KIF5B: variants seen among roughly 807,000 people sequenced by gnomAD.
KIF5B encodes kinesin family member 5B.
Under a neutral mutation model 132.8 loss-of-function variants are expected in KIF5B, and 49 were observed. The observed-to-expected ratio is 0.37, with a 90% confidence interval of 0.29 to 0.47. The LOEUF is 0.47. KIF5B is among the 20% of genes least tolerant of loss of function. The pLI is 1.00. For synonymous variants in KIF5B, 355 were observed against 369.4 expected, an observed-to-expected ratio of 0.96 and a Z score of 0.45; for missense variants, 780 against 1,144.0, an observed-to-expected ratio of 0.68 and a Z score of 4.59.
Position 32,034,748 on chromosome 10 carries a change from A to AT in KIF5B, c.1052dup (p.Asn351LysfsTer2). On this transcript the variant is annotated frameshift_variant, in exon 11 of 26. Transcript: ENST00000302418. LOFTEE classifies it high-confidence loss of function. Reference sequence around the variant, plus strand: ...ACTGAATAGTGTTCCGCAGGATCTTATTTTTTTCTTTTTCTTTTTCATACT... The same window carrying AT: ...ACTGAATAGTGTTCCGCAGGATCTTATTTTTTTTCTTTTTCTTTTTCATACT... 1 of 1,608,650 alleles carries AT rather than the reference A, an allele frequency of 6.2e-7. No individual in the cohort carries two copies. The highest frequency in any genetic ancestry group is 8.5e-7 in the Non-Finnish European group (1 of 1,177,756).
At chr10:32,055,280 G>C (rs956591701) in intron 1 of KIF5B, among the ~76,000 whole-genome samples, 3 of 152,110 alleles carry the variant, frequency 2.0e-5, no homozygotes, top group African/African-American at 7.2e-5. Context: ...AAAGTGGTGG[G>C]TGAAAGTTGG....
In KIF5B at chr10:32,015,511, G is replaced by A; in HGVS notation, c.*18C>T. 5 of 1,552,020 alleles carry A rather than the reference G, an allele frequency of 3.2e-6. No individual in the cohort carries two copies. Among genetic ancestry groups the A allele is most frequent in the Non-Finnish European group, 4.4e-6 (5 of 1,149,238 alleles). On this transcript the variant is annotated splice_region_variant and 3_prime_UTR_variant, in exon 25 of 26. Coordinates refer to ENST00000302418, the MANE Select transcript of KIF5B (RefSeq NM_004521.3). ...AAAGCCAGATATAAATAACAAACCT[G>A]TGGGTATGTATAAACGATTACACTT...
At chr10:32,021,833 G>GT (rs1190854669) in intron 17 of KIF5B, among the ~76,000 whole-genome samples, 2 of 152,028 alleles carry the variant, frequency 1.3e-5, no homozygotes, top group African/African-American at 2.4e-5. Context: ...TTAGCCAGGC[G>GT]TGGGGGCATG....
At chr10:32,038,285 G>A (rs1332547520) in intron 5 of KIF5B, 67 bp from the exon 6 acceptor site, 1 of 1,109,956 alleles carries the variant, frequency 9.0e-7, no homozygotes, top group East Asian at 2.4e-5. Context: ...TGAAATAACT[G>A]ATAGGCTTTC....
chr10:32,055,753 C>T lies in KIF5B; in HGVS notation c.126+95G>A, dbSNP rs1457463447. 4.0e-6 allele frequency: 6 copies of T among 1,494,052 alleles called. No individual in the cohort carries two copies. In the African/African-American group the frequency reaches 4.2e-5, roughly 10 times the overall value. 92.5% of individuals were successfully genotyped at this position (1,494,052 alleles called of 1,614,324 possible). ...CCGGGGAGGGCTGGGGACACCGCCG[C>T]TCCCTTTCAATTCTGCACCCTGCCA... On this transcript the variant is annotated intron_variant, in intron 1 of 25. Coordinates refer to ENST00000302418, the MANE Select transcript of KIF5B (RefSeq NM_004521.3).
chr10:32,015,372 A>T (rs1055055936), intron 25 of KIF5B, 137 bp downstream of exon 25: 30 of 594,588 alleles, frequency 5.0e-5, no homozygotes, highest in Non-Finnish European at 8.2e-5. Flanking sequence ...ACACAAAAAG[A>T]TCAAACTAAA....
chr10:32,036,797 T>A (rs1326402307), intron 8 of KIF5B, among the ~76,000 whole-genome samples: 1 of 152,112 alleles, frequency 6.6e-6, no homozygotes, highest in Non-Finnish European at 1.5e-5. Flanking sequence ...AAACTTAATT[T>A]GATATAGACT....
At chr10:32,037,200 A>G in intron 8 of KIF5B, 54 bp downstream of exon 8, 1 of 1,561,906 alleles carries the variant, frequency 6.4e-7, no homozygotes, top group Non-Finnish European at 8.7e-7. Flanking sequence ...TCCCAACTCA[A>G]ACTAAAGTTT....
chr10:32,054,414 A>G (rs1242540314), intron 1 of KIF5B, among the ~76,000 whole-genome samples: 1 of 152,202 alleles, frequency 6.6e-6, no homozygotes, highest in East Asian at 1.9e-4. Context: ...ATAGTTGGCA[A>G]TTGTTAGTGG....
intron 14 of KIF5B, 99 bp downstream of exon 14, chr10:32,030,974 G>A: frequency 3.8e-6 from 3 of 793,940 alleles, no homozygotes; most frequent in East Asian, 5.4e-5. Flanking sequence ...TGATGTTATC[G>A]ATATTTGACT....
At chr10:32,048,090 A>C (rs1037881696) in intron 2 of KIF5B, among the ~76,000 whole-genome samples, 1 of 152,206 alleles carries the variant, frequency 6.6e-6, no homozygotes, top group Non-Finnish European at 1.5e-5. Flanking sequence ...AGAATGATAG[A>C]CTGCCATTTT....
Position 32,053,729 on chromosome 10 carries a change from CA to C in KIF5B, c.126+2118del, listed in dbSNP as rs34020073. ...ACAAGAGCAAAACTCAAAAATATCT[CA>C]AAAAAAAAAAAAAATCTCAAAAAAA... On this transcript the variant is annotated intron_variant, in intron 1 of 25. Coordinates refer to ENST00000302418, the MANE Select transcript of KIF5B (RefSeq NM_004521.3). Among the ~76,000 whole-genome samples the C allele has an allele frequency of 4.0e-3, 522 of 129,978 alleles. 1 individual carries two copies. Among genetic ancestry groups the C allele is most frequent in the East Asian group, 0.014 (61 of 4,348 alleles). The allele number at this position is 129,978 out of a possible 152,430, so 85.3% of individuals were successfully genotyped here.
chr10:32,028,485 T>G lies in KIF5B; in HGVS notation c.1668A>C (p.Ala556=). 6.2e-7 allele frequency: 1 copy of G among 1,613,574 alleles called. No individual in the cohort carries two copies. Among genetic ancestry groups the G allele is most frequent in the Non-Finnish European group, 8.5e-7 (1 of 1,179,474 alleles). ...TTTCTGCAAGGTCTTTTAGTAAAGA[T>G]GCCATCATCTCAGCTGCTCGTTTTT... The part of the protein sequence containing the change: ...HQKKRAAEMM[A]SLLKDLAEIG... Residue 556 remains alanine, a synonymous_variant, in exon 15 of 26, where the codon GCA becomes GCC. Coordinates refer to ENST00000302418, the MANE Select transcript of KIF5B (RefSeq NM_004521.3).
chr10:32,040,813 C>A (rs748040184), intron 2 of KIF5B, among the ~76,000 whole-genome samples: 1 of 151,762 alleles, frequency 6.6e-6, no homozygotes, highest in Non-Finnish European at 1.5e-5. Context: ...ATGGTGAAAC[C>A]CTGTCTCTAC....
At position 32,056,011 on chromosome 10, in the gene KIF5B, C is replaced by A; in HGVS notation, c.-38G>T. ...CGGGGCCGGCGGCCGGGAGCCACTCCCCGCCGCTCAGTCTTGCAGGGAACG... is the reference window on the plus strand; with the variant it reads ...CGGGGCCGGCGGCCGGGAGCCACTCACCGCCGCTCAGTCTTGCAGGGAACG... On this transcript the variant is annotated 5_prime_UTR_variant, in exon 1 of 26. Transcript: ENST00000302418. The A allele has an allele frequency of 6.3e-7, 1 of 1,598,380 alleles. No homozygotes were observed. Among genetic ancestry groups the A allele is most frequent in the Non-Finnish European group, 8.5e-7 (1 of 1,179,156 alleles).
intron 25 of KIF5B, among the ~76,000 whole-genome samples, chr10:32,012,738 A>G (rs1277888168): frequency 6.6e-6 from 1 of 152,148 alleles, no homozygotes; most frequent in Non-Finnish European, 1.5e-5. Flanking sequence ...AGGTAAGTTT[A>G]AAGTTGACAT....
At chr10:32,054,084 C>T (rs1841724970) in intron 1 of KIF5B, among the ~76,000 whole-genome samples, 1 of 152,200 alleles carries the variant, frequency 6.6e-6, no homozygotes, top group Non-Finnish European at 1.5e-5. Context: ...GTGATAACTA[C>T]AGATCTGTGT....
At chr10:32,043,060 TCACTGCAACCTC>T (rs1322033414) in intron 2 of KIF5B, among the ~76,000 whole-genome samples, 4 of 147,852 alleles carry the variant, frequency 2.7e-5, no homozygotes, top group African/African-American at 1.1e-4. Flanking sequence ...CAACCTCGGC[TCACTGCAACCTC>T]GGCTCACTGC....
rs1207143067 is a variant in KIF5B at position 32,056,332 on chromosome 10, C to A, written c.-359G>T. The A allele has an allele frequency of 7.6e-6, 2 of 263,662 alleles. No individual in the cohort carries two copies. The highest frequency in any genetic ancestry group is 1.5e-5 in the Non-Finnish European group (2 of 136,696). 16.3% of individuals were successfully genotyped at this position (263,662 alleles called of 1,614,324 possible). A position where few individuals can be genotyped will look rare whatever the true frequency, so the allele number is the denominator to read the frequency against. On this transcript the variant is annotated 5_prime_UTR_variant, in exon 1 of 26. Transcript: ENST00000302418. Reference sequence around the variant, plus strand: ...AGAGTGGCCACCTTCTTCCTCCTCGCGAAGAGCAGGCCGGGCCTACCCGTC... The same window carrying A: ...AGAGTGGCCACCTTCTTCCTCCTCGAGAAGAGCAGGCCGGGCCTACCCGTC...
Sources: allele counts gnomAD v4.1 joint callset (sites outside exome capture counted in the v4.1 genomes callset), GRCh38; gene constraint gnomAD v4.1.1; transcripts MANE v1.5; gene names NCBI Gene and HGNC (gene_info 2026-07-23, HGNC 2026-07-21).